The following WWOX variants were observed in gnomAD, a reference collection of about 807,000 sequenced individuals.
WWOX encodes WW domain-containing oxidoreductase.
A neutral mutation model predicts 46.2 loss-of-function variants in WWOX; 69 were observed. The observed-to-expected ratio is 1.49, with a 90% CI of 1.23 to 1.82. The LOEUF (loss-of-function observed/expected upper bound fraction) is 1.82. Among genes scored for constraint, WWOX ranks in the 40% most tolerant of loss-of-function variants. The pLI is 0.00. For missense variants in WWOX, 919 were observed against 542.6 expected, an observed-to-expected ratio of 1.69 and a Z score of -6.89; for synonymous variants, 359 against 202.6, an observed-to-expected ratio of 1.77 and a Z score of -6.56.
In WWOX at chr16:79,047,193, C is replaced by T. The variant is rs527694756; in HGVS notation, c.1057-164415C>T. Among the ~76,000 whole-genome samples the T allele has an allele frequency of 4.6e-5, 7 of 152,266 alleles. No homozygotes were observed. The South Asian group carries it at 1.5e-3, about 32-fold the overall frequency. On this transcript the variant is annotated intron_variant, in intron 8 of 8. Transcript: ENST00000566780. ...TATTGAGTAGTAAGCACATGCAAGG[C>T]ATTGAGGGTGGGGAGGGAAAGAGAC...
At chr16:78,381,934 T>C (rs548984249) in intron 5 of WWOX, among the ~76,000 whole-genome samples, 48 of 152,318 alleles carry the variant, frequency 3.2e-4, no homozygotes, top group African/African-American at 1.2e-3. Context: ...GGCACGATCA[T>C]GTCTCACGGC....
At chr16:78,256,534 C>T (rs983957547) in intron 5 of WWOX, among the ~76,000 whole-genome samples, 1 of 151,716 alleles carries the variant, frequency 6.6e-6, no homozygotes, top group Non-Finnish European at 1.5e-5. Flanking sequence ...CCCTCCTAGG[C>T]AATGTAATGA....
At chr16:78,924,684 G>T (rs1349758469) in intron 8 of WWOX, among the ~76,000 whole-genome samples, 3 of 152,204 alleles carry the variant, frequency 2.0e-5, no homozygotes, top group East Asian at 3.9e-4. Context: ...GTTGGCTTCT[G>T]TGTGGGAGAG....
chr16:79,120,145 A>T (rs913975978), intron 8 of WWOX, among the ~76,000 whole-genome samples: 1 of 152,174 alleles, frequency 6.6e-6, no homozygotes, highest in Non-Finnish European at 1.5e-5. Context: ...ATTTAATCCA[A>T]AACTCAGGGA....
intron 8 of WWOX, among the ~76,000 whole-genome samples, chr16:79,184,556 G>T (rs563098593): frequency 1.3e-5 from 2 of 152,102 alleles, no homozygotes; most frequent in African/African-American, 4.8e-5. Flanking sequence ...TCTGACTCTG[G>T]TGTTGTGCAC....
Position 78,828,065 on chromosome 16 carries a change from G to T in WWOX, c.1057-383543G>T, listed in dbSNP as rs74958877. Among the ~76,000 whole-genome samples, 1,038 of 152,178 alleles carry T rather than the reference G, an allele frequency of 6.8e-3. 8 individuals are homozygous for T. Among genetic ancestry groups the T allele is most frequent in the African/African-American group, 0.024 (990 of 41,502 alleles). ...GCAGGCATTGGCAACTGGGAGCCCT[G>T]GTGTGTCTATTAGCTCCTCAGGCTG... On this transcript the variant is annotated intron_variant, in intron 8 of 8. Coordinates refer to ENST00000566780, the MANE Select transcript of WWOX (RefSeq NM_016373.4).
chr16:78,834,572 G>C lies in WWOX; in HGVS notation c.1057-377036G>C, dbSNP rs547416511. Among the ~76,000 whole-genome samples the C allele has an allele frequency of 2.0e-5, 3 of 152,326 alleles. No individual in the cohort carries two copies. In the East Asian group the frequency reaches 5.8e-4, roughly 29 times the overall value. ...AGAAAGGACCAGGGTCTGCAATGTA[G>C]AATCCCCATTGCCGATGATCAGAAA... On this transcript the variant is annotated intron_variant, in intron 8 of 8. Coordinates refer to ENST00000566780, the MANE Select transcript of WWOX (RefSeq NM_016373.4).
At chr16:78,241,157 C>T (rs530342645) in intron 5 of WWOX, 1 of 152,246 alleles carries the variant, frequency 6.6e-6, no homozygotes, top group African/African-American at 2.4e-5. Context: ...TGACTGTCAA[C>T]ATTAAAATGA....
At chr16:78,300,696 A>C (rs1244861147) in intron 5 of WWOX, among the ~76,000 whole-genome samples, 3 of 152,200 alleles carry the variant, frequency 2.0e-5, no homozygotes, top group Admixed American at 1.3e-4. Context: ...CTATGCCATA[A>C]ATTTAAATCC....
At chr16:78,327,171 A>C (rs1338185550) in intron 5 of WWOX, among the ~76,000 whole-genome samples, 1 of 152,178 alleles carries the variant, frequency 6.6e-6, no homozygotes, top group African/African-American at 2.4e-5. Flanking sequence ...GAGTTCATTT[A>C]AGTGGCAGCG....
intron 5 of WWOX, among the ~76,000 whole-genome samples, chr16:78,233,520 T>A (rs2151810452): frequency 7.7e-6 from 1 of 130,252 alleles, no homozygotes; most frequent in African/African-American, 3.0e-5. Flanking sequence ...CCTTTGATGA[T>A]TAAATTTTTT....
At chr16:78,319,000 C>G (rs79198390) in intron 5 of WWOX, among the ~76,000 whole-genome samples, 3,383 of 152,204 alleles carry the variant, frequency 0.022, 139 homozygotes, top group African/African-American at 0.078. Context: ...AGATGAAATT[C>G]AAGTTACTGA....
At chr16:79,095,359 T>C (rs971131574) in intron 8 of WWOX, among the ~76,000 whole-genome samples, 10 of 152,142 alleles carry the variant, frequency 6.6e-5, no homozygotes, top group African/African-American at 2.2e-4. Flanking sequence ...ATCCTCATAA[T>C]GGTCCCTTGG....
At chr16:78,626,048 C>T (rs1046518008) in intron 8 of WWOX, among the ~76,000 whole-genome samples, 2 of 151,818 alleles carry the variant, frequency 1.3e-5, no homozygotes, top group African/African-American at 2.4e-5. Context: ...CATCGTTTAT[C>T]ATATTGCCTT....
At chr16:78,252,555 C>T (rs1209931330) in intron 5 of WWOX, among the ~76,000 whole-genome samples, 5 of 152,180 alleles carry the variant, frequency 3.3e-5, no homozygotes, top group Non-Finnish European at 5.9e-5. Flanking sequence ...ATGACTATGC[C>T]CGTTAGGCAT....
At chr16:79,210,279 G>T (rs386776) in intron 8 of WWOX, among the ~76,000 whole-genome samples, 46 of 152,098 alleles carry the variant, frequency 3.0e-4, no homozygotes, top group African/African-American at 9.6e-4. Context: ...CCTTATGGCA[G>T]ATTCTTCACG....
intron 8 of WWOX, among the ~76,000 whole-genome samples, chr16:78,618,651 G>A (rs1426302896): frequency 1.3e-5 from 2 of 152,134 alleles, no homozygotes; most frequent in African/African-American, 2.4e-5. Flanking sequence ...TCTCATAAGA[G>A]ACCTCTTCTC....
intron 1 of WWOX, among the ~76,000 whole-genome samples, chr16:78,101,660 C>T (rs534763309): frequency 6.6e-6 from 1 of 152,254 alleles, no homozygotes; most frequent in South Asian, 2.1e-4. Context: ...TCCCCTCTCC[C>T]TTGGTAGGTT....
At chr16:78,443,740 A>C (rs981276194) in intron 8 of WWOX, among the ~76,000 whole-genome samples, 1 of 152,124 alleles carries the variant, frequency 6.6e-6, no homozygotes, top group Admixed American at 6.6e-5. Flanking sequence ...GCCCGTTGGC[A>C]TTTTGGTAAT....
Sources: allele counts gnomAD v4.1 joint callset (sites outside exome capture counted in the v4.1 genomes callset), GRCh38; gene constraint gnomAD v4.1.1; transcripts MANE v1.5; gene names NCBI Gene and HGNC (gene_info 2026-07-23, HGNC 2026-07-21).